HLCS: variants seen among roughly 807,000 people sequenced by gnomAD.
HLCS encodes the protein biotin--protein ligase.
Under a neutral mutation model 75.0 loss-of-function variants are expected in HLCS, and 53 were observed. That is an observed-to-expected ratio of 0.71 (90% CI 0.57 to 0.89). The LOEUF is 0.89. Ranked by LOEUF, HLCS falls within the 40% of genes least tolerant of loss-of-function variation. The pLI, the probability that HLCS is intolerant of heterozygous loss-of-function variation, is 0.00. For synonymous variants in HLCS, 431 were observed against 428.6 expected, an observed-to-expected ratio of 1.01 and a Z score of -0.07; for missense variants, 966 against 1,074.0, an observed-to-expected ratio of 0.90 and a Z score of 1.41.
chr21:36,863,446 A>C (rs2063450236), intron 6 of HLCS, among the ~76,000 whole-genome samples: 2 of 152,154 alleles, frequency 1.3e-5, no homozygotes, highest in South Asian at 4.1e-4. Context: ...GTTTAGTGAA[A>C]CTAAAACAGA....
chr21:36,868,274 G>GAAAGAAAGAAA (rs2063636299), intron 6 of HLCS, among the ~76,000 whole-genome samples: 8 of 135,358 alleles, frequency 5.9e-5, no homozygotes, highest in African/African-American at 2.5e-4. Flanking sequence ...AAGGAAGGAA[G>GAAAGAAAGAAA]GAAAGAAAGA....
chr21:36,796,406 C>A (rs2061026206), intron 6 of HLCS, among the ~76,000 whole-genome samples: 1 of 152,182 alleles, frequency 6.6e-6, no homozygotes, highest in African/African-American at 2.4e-5. Context: ...AGCCCTAGGT[C>A]AGTCCAAATG....
intron 6 of HLCS, among the ~76,000 whole-genome samples, chr21:36,892,376 G>A (rs1345364322): frequency 1.3e-5 from 2 of 152,280 alleles, no homozygotes; most frequent in East Asian, 1.9e-4. Context: ...CATAGTGGCC[G>A]CCAGTGCAGG....
chr21:36,793,616 G>GGT (rs1459268295), intron 6 of HLCS, among the ~76,000 whole-genome samples: 2 of 152,046 alleles, frequency 1.3e-5, no homozygotes, highest in African/African-American at 4.8e-5. Flanking sequence ...CAATCTTATT[G>GGT]GTGTGTCACT....
At chr21:36,855,646 G>A (rs1601526279) in intron 6 of HLCS, among the ~76,000 whole-genome samples, 1 of 151,722 alleles carries the variant, frequency 6.6e-6, no homozygotes, top group Admixed American at 6.6e-5. Context: ...GCACAATCAT[G>A]GCTAACTGCA....
chr21:36,864,843 G>T (rs994027218), intron 6 of HLCS, among the ~76,000 whole-genome samples: 1 of 152,160 alleles, frequency 6.6e-6, no homozygotes, highest in African/African-American at 2.4e-5. Flanking sequence ...TTAACACTGA[G>T]AAACCTTGTC....
chr21:36,836,591 A>G (rs2062421024), intron 6 of HLCS, among the ~76,000 whole-genome samples: 1 of 151,478 alleles, frequency 6.6e-6, no homozygotes, highest in African/African-American at 2.4e-5. Context: ...ACAAAATGGG[A>G]GAAAATTTTC....
chr21:36,947,607 G>A (rs2067466529), intron 2 of HLCS: 10 of 985,414 alleles, frequency 1.0e-5, no homozygotes, highest in East Asian at 1.1e-4. Context: ...CTAAACAAAG[G>A]AGTTTCCTCC....
At chr21:36,966,207 C>T (rs925776120) in intron 1 of HLCS, among the ~76,000 whole-genome samples, 3 of 152,334 alleles carry the variant, frequency 2.0e-5, no homozygotes, top group Admixed American at 6.5e-5. Context: ...CCTAGAGTCA[C>T]GCGTCCAGCA....
intron 6 of HLCS, chr21:36,803,977 T>C (rs1256512355): frequency 6.6e-6 from 1 of 152,312 alleles, no homozygotes; most frequent in Non-Finnish European, 1.5e-5. Flanking sequence ...GAAGGCAGTT[T>C]CCTTTTCACT....
chr21:36,946,056 T>C, intron 2 of HLCS: 2 of 965,782 alleles, frequency 2.1e-6, no homozygotes, highest in Non-Finnish European at 2.5e-6. Flanking sequence ...ATAAAGTGCC[T>C]GGGCCACAAG....
intron 10 of HLCS, 142 bp from the exon 11 acceptor site, chr21:36,754,559 G>C: frequency 1.2e-6 from 1 of 820,488 alleles, no homozygotes; most frequent in Non-Finnish European, 2.0e-6. Context: ...GGCAGCCTGG[G>C]CTGAGCTCTG....
In HLCS at chr21:36,861,979, T is replaced by C. The variant is rs921574937; in HGVS notation, c.1892+34881A>G. 3.3e-5 allele frequency among the ~76,000 whole-genome samples: 5 copies of C among 152,304 alleles called. 1 individual carries two copies. The East Asian group carries it at 5.8e-4, about 18-fold the overall frequency. On this transcript the variant is annotated intron_variant, in intron 6 of 10. Transcript: ENST00000674895. ...AATCTCCTGGCAACCACTGATCTATTATACTTACTATCCCCATGGATTTGC... is the reference window on the plus strand; with the variant it reads ...AATCTCCTGGCAACCACTGATCTATCATACTTACTATCCCCATGGATTTGC...
intron 1 of HLCS, chr21:36,990,040 C>T (rs1477645211): frequency 2.0e-5 from 3 of 152,244 alleles, no homozygotes; most frequent in Non-Finnish European, 2.9e-5. Context: ...GAGGCCTCGA[C>T]TCAGGAGACG....
chr21:36,956,690 A>C (rs2067978620), intron 2 of HLCS, among the ~76,000 whole-genome samples: 1 of 152,158 alleles, frequency 6.6e-6, no homozygotes, highest in African/African-American at 2.4e-5. Context: ...AGATCGTGCC[A>C]CTGCACTCTA....
intron 5 of HLCS, among the ~76,000 whole-genome samples, chr21:36,911,396 T>G (rs1327855687): frequency 6.6e-6 from 1 of 152,026 alleles, no homozygotes; most frequent in African/African-American, 2.4e-5. Flanking sequence ...CCAGACTGAG[T>G]CTAGTGACAC....
chr21:36,803,411 T>C lies in HLCS; in HGVS notation c.1893-36126A>G, dbSNP rs546125582. ...GTGATCTTCTCTTTTCAAAACAAGGTGTTGTATGCAGTATTAAATCTGGAT... is the reference window on the plus strand; with the variant it reads ...GTGATCTTCTCTTTTCAAAACAAGGCGTTGTATGCAGTATTAAATCTGGAT... On this transcript the variant is annotated intron_variant, in intron 6 of 10. Coordinates refer to ENST00000674895, the MANE Select transcript of HLCS (RefSeq NM_001352514.2). Among the ~76,000 whole-genome samples the C allele has an allele frequency of 8.5e-5, 13 of 152,304 alleles. No homozygotes were observed. In the South Asian group the frequency reaches 2.3e-3, roughly 27 times the overall value.
intron 5 of HLCS, among the ~76,000 whole-genome samples, chr21:36,911,588 C>CAA (rs558117640): frequency 1.4e-5 from 2 of 143,730 alleles, no homozygotes; most frequent in Non-Finnish European, 1.5e-5. Flanking sequence ...ACTAAAAATA[C>CAA]AAAAAAAAAA....
intron 5 of HLCS, among the ~76,000 whole-genome samples, chr21:36,910,887 G>C (rs1404227719): frequency 1.3e-5 from 2 of 152,130 alleles, no homozygotes; most frequent in South Asian, 2.1e-4. Context: ...CCCACCCTGT[G>C]TTCTGCCACT....
Sources: allele counts gnomAD v4.1 joint callset (sites outside exome capture counted in the v4.1 genomes callset), GRCh38; gene constraint gnomAD v4.1.1; transcripts MANE v1.5; gene names NCBI Gene and HGNC (gene_info 2026-07-23, HGNC 2026-07-21).